Variants in INPP4A observed in about 807,000 individuals in gnomAD.
INPP4A encodes inositol polyphosphate-4-phosphatase type I A, also known as inositol polyphosphate-4-phosphatase, type I, 107kD.
In INPP4A, 33 loss-of-function variants were observed where a neutral mutation model predicts 119.8. The observed-to-expected ratio is 0.28, with a 90% confidence interval of 0.21 to 0.37. The LOEUF is 0.37. Ranked by LOEUF, INPP4A falls within the 10% of genes least tolerant of loss-of-function variation. The probability of loss-of-function intolerance (pLI) is 1.00; values close to 1 mark genes in which losing one functional copy is unlikely to be tolerated. For synonymous variants in INPP4A, 496 were observed against 500.7 expected, an observed-to-expected ratio of 0.99 and a Z score of 0.12; for missense variants, 956 against 1,289.9, an observed-to-expected ratio of 0.74 and a Z score of 3.97.
chr2:98,491,738 G>A (rs1253276452), intron 1 of INPP4A, among the ~76,000 whole-genome samples: 1 of 152,140 alleles, frequency 6.6e-6, no homozygotes, highest in Non-Finnish European at 1.5e-5. Flanking sequence ...CACAGTCATG[G>A]GCAGGGTTGG....
intron 4 of INPP4A, among the ~76,000 whole-genome samples, chr2:98,526,256 T>C (rs922068508): frequency 9.2e-5 from 14 of 152,320 alleles, no homozygotes; most frequent in African/African-American, 3.1e-4. Flanking sequence ...GAGGGAACTT[T>C]CTAGTCTGAT....
intron 15 of INPP4A, among the ~76,000 whole-genome samples, chr2:98,555,014 T>C (rs950971793): frequency 6.6e-6 from 1 of 152,218 alleles, no homozygotes; most frequent in Admixed American, 6.5e-5. Context: ...ATTGTACAAC[T>C]TGTTTTTACC....
intron 1 of INPP4A, among the ~76,000 whole-genome samples, chr2:98,495,193 G>T (rs936816674): frequency 6.6e-6 from 1 of 152,168 alleles, no homozygotes; most frequent in Non-Finnish European, 1.5e-5. Context: ...AATAATGACA[G>T]AAAAATGGGT....
At chr2:98,526,060 AT>A (rs1688127999) in intron 4 of INPP4A, among the ~76,000 whole-genome samples, 1 of 152,268 alleles carries the variant, frequency 6.6e-6, no homozygotes, top group Admixed American at 6.5e-5. Flanking sequence ...CCAAATGTCT[AT>A]TAACAGTAGA....
intron 21 of INPP4A, among the ~76,000 whole-genome samples, chr2:98,567,398 G>A (rs1300915256): frequency 6.6e-6 from 1 of 152,200 alleles, no homozygotes; most frequent in Admixed American, 6.5e-5. Flanking sequence ...TGGTGAGCTG[G>A]GTTTGGACTG....
Position 98,587,615 on chromosome 2 carries a change from G to C in INPP4A, c.*7G>C, listed in dbSNP as rs373604595. On this transcript the variant is annotated 3_prime_UTR_variant, in exon 25 of 25. Transcript: ENST00000409851. ...CGGAAAAGTTGAAACGTGAACACAC[G>C]GTTTCCTCTAATTAGCTGTTACATA... The C allele has an allele frequency of 1.2e-5, 19 of 1,594,074 alleles. No homozygotes were observed. The highest frequency in any genetic ancestry group is 2.3e-5 in the East Asian group (1 of 44,218).
At chr2:98,563,729 T>C (rs574026871) in intron 18 of INPP4A, 92 bp downstream of exon 18, 3 of 1,300,758 alleles carry the variant, frequency 2.3e-6, no homozygotes, top group East Asian at 4.8e-5. Context: ...ACTTCACTTG[T>C]AAAAGACCCC....
rs1330253688 is a variant in INPP4A at position 98,546,557 on chromosome 2, G to T, written c.1055-29G>T. The stretch of plus-strand genomic sequence containing the variant: ...GCTTGTCCACAGGCCTGAGCCCAGA[G>T]TAATGGAGGAGAGCTTTCTGTCATT... On this transcript the variant is annotated intron_variant, in intron 12 of 24. Coordinates refer to ENST00000409851, the MANE Select transcript of INPP4A (RefSeq NM_001134225.2). This position sits in a 1 kb window ranked among gnomAD's most constrained non-coding sequence, Gnocchi z 4.2. 6.5e-7 allele frequency: 1 copy of T among 1,540,228 alleles called. No individual in the cohort carries two copies. Among genetic ancestry groups the T allele is most frequent in the Non-Finnish European group, 9.0e-7 (1 of 1,113,562 alleles).
rs1559069226 is a variant in INPP4A at position 98,555,934 on chromosome 2, G to C, written c.1822+126G>C. On this transcript the variant is annotated intron_variant, in intron 16 of 24. Coordinates refer to ENST00000409851, the MANE Select transcript of INPP4A (RefSeq NM_001134225.2). ...ACTGCAGGGAGGGCTGCCAGGTGGA[G>C]CGGGGGCGTCCCAGTGCATGGAGCA... 6 of 1,200,318 alleles carry C rather than the reference G, an allele frequency of 5.0e-6. No homozygotes were observed. The South Asian group carries it at 9.4e-5, about 19-fold the overall frequency. 74.4% of individuals were successfully genotyped at this position (1,200,318 alleles called of 1,614,324 possible).
At chr2:98,500,212 C>T (rs1210048364) in intron 1 of INPP4A, among the ~76,000 whole-genome samples, 2 of 152,054 alleles carry the variant, frequency 1.3e-5, no homozygotes, top group South Asian at 2.1e-4. Flanking sequence ...GAGATTGCAG[C>T]GAACTTCTAA....
chr2:98,483,367 G>A (rs1678871469), intron 1 of INPP4A, among the ~76,000 whole-genome samples: 1 of 152,228 alleles, frequency 6.6e-6, no homozygotes, highest in Non-Finnish European at 1.5e-5. Flanking sequence ...TCACTCTTGT[G>A]ATGCTTGTGG....
intron 17 of INPP4A, among the ~76,000 whole-genome samples, chr2:98,561,450 C>G (rs1269632171): frequency 1.3e-5 from 2 of 152,200 alleles, no homozygotes; most frequent in African/African-American, 4.8e-5. Flanking sequence ...AAAAATTGTT[C>G]CAGGCATGTC....
chr2:98,463,951 C>A (rs1674170060), intron 1 of INPP4A, among the ~76,000 whole-genome samples: 1 of 152,224 alleles, frequency 6.6e-6, no homozygotes, highest in Non-Finnish European at 1.5e-5. Flanking sequence ...GCTTAGGGTA[C>A]ACGGTCTCCA....
At chr2:98,460,554 CAT>C (rs1009718482) in intron 1 of INPP4A, among the ~76,000 whole-genome samples, 4 of 152,268 alleles carry the variant, frequency 2.6e-5, no homozygotes, top group Admixed American at 2.6e-4. Flanking sequence ...GAAGCAGTTC[CAT>C]AGTCATTTTC....
intron 1 of INPP4A, among the ~76,000 whole-genome samples, chr2:98,454,567 G>A (rs918559366): frequency 3.9e-5 from 6 of 152,062 alleles, no homozygotes; most frequent in Admixed American, 6.6e-5. Flanking sequence ...TGAATGTTTC[G>A]ACCCCTGCTC....
At chr2:98,508,553 C>A (rs1243867798) in intron 1 of INPP4A, among the ~76,000 whole-genome samples, 2 of 152,206 alleles carry the variant, frequency 1.3e-5, no homozygotes, top group Non-Finnish European at 2.9e-5. Flanking sequence ...CCTCTTGGAG[C>A]AGCATGTCTC....
chr2:98,514,794 G>A (rs560920432), intron 1 of INPP4A, among the ~76,000 whole-genome samples: 2 of 152,192 alleles, frequency 1.3e-5, no homozygotes, highest in East Asian at 3.9e-4. Context: ...TGGCACACAC[G>A]TGTGGTCCCA....
intron 1 of INPP4A, among the ~76,000 whole-genome samples, chr2:98,501,258 C>T (rs557755383): frequency 1.2e-4 from 19 of 152,198 alleles, no homozygotes; most frequent in East Asian, 5.8e-4. Context: ...TGCTTGAACC[C>T]GGGAGGTGGA....
intron 4 of INPP4A, among the ~76,000 whole-genome samples, chr2:98,524,088 C>T (rs1166981558): frequency 1.3e-5 from 2 of 152,186 alleles, no homozygotes; most frequent in African/African-American, 4.8e-5. Context: ...TAGCCAGCCT[C>T]CTACTGCTGG....
Sources: gnomAD v4.1 joint callset for allele counts (sites outside exome capture counted in the v4.1 genomes callset) on GRCh38, gnomAD v4.1.1 for gene constraint, Gnocchi (gnomAD v3.1) non-coding constraint, MANE v1.5 for transcripts, NCBI Gene and HGNC (gene_info 2026-07-23, HGNC 2026-07-21) for gene names.